Variants in HUNK observed in about 807,000 individuals in gnomAD.
HUNK encodes hormonally up-regulated neu tumor-associated kinase.
Under a neutral mutation model 61.0 loss-of-function variants are expected in HUNK, and 21 were observed. The observed-to-expected ratio is 0.34, with a 90% CI of 0.24 to 0.50. The LOEUF (loss-of-function observed/expected upper bound fraction) is 0.50. Ranked by LOEUF, HUNK falls within the 20% of genes least tolerant of loss-of-function variation. HUNK has a pLI of 0.98. For missense variants in HUNK, 772 were observed against 945.7 expected (o/e 0.82, Z 2.41); for synonymous variants, 371 against 386.1 (o/e 0.96, Z 0.46).
chr21:31,997,158 G>A (rs1471530509), intron 10 of HUNK, among the ~76,000 whole-genome samples: 1 of 152,252 alleles, frequency 6.6e-6, no homozygotes, highest in Non-Finnish European at 1.5e-5. Flanking sequence ...CGTTATGGGA[G>A]AAGAAAGAAG....
chr21:31,967,060 C>A (rs548264158), intron 5 of HUNK, among the ~76,000 whole-genome samples: 195 of 152,160 alleles, frequency 1.3e-3, no homozygotes, highest in Non-Finnish European at 2.2e-3. Context: ...TTAGAAGGGC[C>A]TTCATGGGTT....
At chr21:31,925,944 C>T (rs916521431) in intron 2 of HUNK, among the ~76,000 whole-genome samples, 5 of 146,698 alleles carry the variant, frequency 3.4e-5, no homozygotes, top group Admixed American at 6.8e-5. Context: ...TTTTTTGAGA[C>T]TGAGTCTCGC....
intron 6 of HUNK, among the ~76,000 whole-genome samples, chr21:31,969,197 G>A (rs2052992580): frequency 6.6e-6 from 1 of 151,988 alleles, no homozygotes; most frequent in South Asian, 2.1e-4. Flanking sequence ...TTGTGAGTGT[G>A]TTTGCGTGTG....
At chr21:31,905,299 C>T (rs762792909) in intron 1 of HUNK, among the ~76,000 whole-genome samples, 14 of 152,130 alleles carry the variant, frequency 9.2e-5, no homozygotes, top group Non-Finnish European at 2.1e-4. Context: ...GAGAGAGGCT[C>T]CAGACGTAAC....
intron 2 of HUNK, among the ~76,000 whole-genome samples, chr21:31,939,911 A>G (rs1231122012): frequency 2.0e-5 from 3 of 151,830 alleles, no homozygotes; most frequent in Admixed American, 2.0e-4. Context: ...CTTTTTCCAG[A>G]AACTTTTCAT....
chr21:31,884,205 G>A (rs879555113), intron 1 of HUNK, among the ~76,000 whole-genome samples: 1 of 151,004 alleles, frequency 6.6e-6, no homozygotes, highest in African/African-American at 2.4e-5. Context: ...GGTATTTGGA[G>A]ATGGGGCCTT....
At position 32,003,536 on chromosome 21, in the gene HUNK, T is replaced by C. The variant is rs1389804591; in HGVS notation, c.*4352T>C. Reference sequence around the variant, plus strand: ...GTGTATTTATTTTCTTTGTGGGGTCTTCTGTGAGCTACAGGCACAGTAAGA... The same window carrying C: ...GTGTATTTATTTTCTTTGTGGGGTCCTCTGTGAGCTACAGGCACAGTAAGA... On this transcript the variant is annotated 3_prime_UTR_variant, in exon 11 of 11. Coordinates refer to ENST00000270112, the MANE Select transcript of HUNK (RefSeq NM_014586.2). 6.6e-6 allele frequency: 1 copy of C among 152,214 alleles called. No individual in the cohort carries two copies. The highest frequency in any genetic ancestry group is 1.5e-5 in the Non-Finnish European group (1 of 68,040). The allele number at this position is 152,214 out of a possible 1,614,324, so 9.4% of individuals were successfully genotyped here.
At chr21:31,974,224 T>C (rs71323310) in intron 6 of HUNK, 21,713 of 181,446 alleles carry the variant, frequency 0.12, 1,812 homozygotes, top group Non-Finnish European at 0.18. Flanking sequence ...ATGTTGATGG[T>C]ATTGCGGTTC....
chr21:31,954,230 C>A (rs1033452473), intron 4 of HUNK, among the ~76,000 whole-genome samples: 2 of 152,176 alleles, frequency 1.3e-5, no homozygotes, highest in African/African-American at 4.8e-5. Flanking sequence ...ACGACACCCC[C>A]ACCTGGGACA....
In HUNK at chr21:31,873,981, C is replaced by A; in HGVS notation, c.261+46C>A. The A allele has an allele frequency of 1.4e-6, 2 of 1,380,720 alleles. No individual in the cohort carries two copies. The highest frequency in any genetic ancestry group is 1.6e-5 in the South Asian group (1 of 61,926). The allele number at this position is 1,380,720 out of a possible 1,614,324, so 85.5% of individuals were successfully genotyped here. On this transcript the variant is annotated intron_variant, in intron 1 of 10. Coordinates refer to ENST00000270112, the MANE Select transcript of HUNK (RefSeq NM_014586.2). The surrounding 1 kb of genome is among the most constrained non-coding windows in gnomAD (Gnocchi z 6.1). Reference sequence around the variant, plus strand: ...GGGGCTGGGGCACAGGGGCGGGAGTCGGCGGCCAGGACCCCGCGGGGAGCA... The same window carrying A: ...GGGGCTGGGGCACAGGGGCGGGAGTAGGCGGCCAGGACCCCGCGGGGAGCA...
At position 31,890,085 on chromosome 21, in the gene HUNK, A is replaced by T. The variant is rs529977423; in HGVS notation, c.261+16150A>T. On this transcript the variant is annotated intron_variant, in intron 1 of 10. Coordinates refer to ENST00000270112, the MANE Select transcript of HUNK (RefSeq NM_014586.2). ...ACAGGTATATTCCAGAATAGTTGAGATTTTTAACAGATCAAAAGAAGTCTT... is the reference window on the plus strand; with the variant it reads ...ACAGGTATATTCCAGAATAGTTGAGTTTTTTAACAGATCAAAAGAAGTCTT... 1.7e-3 allele frequency among the ~76,000 whole-genome samples: 262 copies of T among 152,282 alleles called. 1 individual carries two copies. Among genetic ancestry groups the T allele is most frequent in the Non-Finnish European group, 2.2e-3 (152 of 68,036 alleles).
Position 31,982,707 on chromosome 21 carries a change from T to C in HUNK, c.1174-819T>C, listed in dbSNP as rs74528080. Among the ~76,000 whole-genome samples the C allele has an allele frequency of 8.3e-3, 1,259 of 152,376 alleles. 8 individuals carry two copies. The highest frequency in any genetic ancestry group is 0.014 in the Non-Finnish European group (951 of 68,038). On this transcript the variant is annotated intron_variant, in intron 7 of 10. Coordinates refer to ENST00000270112, the MANE Select transcript of HUNK (RefSeq NM_014586.2). ...TGTTTATCTTCTTTGAGCTATGTTA[T>C]GAATTGTTATGGCTTTCATTTGGGT...
In HUNK at chr21:32,000,194, C is replaced by T. The variant is rs772183808; in HGVS notation, c.*1010C>T. 3 of 398,880 alleles carry T rather than the reference C, an allele frequency of 7.5e-6. No individual in the cohort carries two copies. Among genetic ancestry groups the T allele is most frequent in the Non-Finnish European group, 1.3e-5 (3 of 226,078 alleles). The allele number at this position is 398,880 out of a possible 1,614,324, so 24.7% of individuals were successfully genotyped here. A position where few individuals can be genotyped will look rare whatever the true frequency, so the allele number is the denominator to read the frequency against. ...GAGCATAACTCAGATGGCGAGAAGG[C>T]AGCATTATCTCTGTGCGATGCTGAT... is the stretch of plus-strand genomic sequence containing the variant. On this transcript the variant is annotated 3_prime_UTR_variant, in exon 11 of 11. Transcript: ENST00000270112.
At chr21:31,958,105 G>A (rs549016216) in intron 4 of HUNK, among the ~76,000 whole-genome samples, 74 of 152,156 alleles carry the variant, frequency 4.9e-4, no homozygotes, top group African/African-American at 1.8e-3. Context: ...TGTCTCCCAG[G>A]TGTTTCTTAC....
chr21:31,885,517 A>AC (rs1163222645), intron 1 of HUNK, among the ~76,000 whole-genome samples: 1 of 152,092 alleles, frequency 6.6e-6, no homozygotes, highest in African/African-American at 2.4e-5. Context: ...AGCACCACAG[A>AC]CCCGGGGGCT....
chr21:31,896,674 G>C (rs1288102193), intron 1 of HUNK, among the ~76,000 whole-genome samples: 1 of 152,204 alleles, frequency 6.6e-6, no homozygotes, highest in Non-Finnish European at 1.5e-5. Context: ...GAAGGTGTTT[G>C]AGGTTGCTAT....
Position 31,983,720 on chromosome 21 carries a change from CAT to C in HUNK, c.1257+113_1257+114del, listed in dbSNP as rs1162801171. On this transcript the variant is annotated intron_variant, in intron 8 of 10. Transcript: ENST00000270112. ...TGGGACACTGAAGTAGCAAAAGACA[CAT>C]ACTTACGCTCATAACTGAGCCCTTG... 42 of 742,354 alleles carry C rather than the reference CAT, an allele frequency of 5.7e-5. No individual in the cohort carries two copies. The Admixed American group carries it at 9.9e-4, about 17-fold the overall frequency. 46.0% of individuals were successfully genotyped at this position (742,354 alleles called of 1,614,324 possible). A position where few individuals can be genotyped will look rare whatever the true frequency, so the allele number is the denominator to read the frequency against.
intron 1 of HUNK, among the ~76,000 whole-genome samples, chr21:31,916,988 T>C (rs2052587529): frequency 6.6e-6 from 1 of 152,268 alleles, no homozygotes; most frequent in African/African-American, 2.4e-5. Context: ...GTTTCCTCTC[T>C]TTCTGTCTCT....
Position 32,000,867 on chromosome 21 carries a change from C to T in HUNK, c.*1683C>T, listed in dbSNP as rs1020505513. On this transcript the variant is annotated 3_prime_UTR_variant, in exon 11 of 11. Transcript: ENST00000270112. Reference sequence around the variant, plus strand: ...GAGACCTGGAGCTGCCTGTTTCTTCCCTAGGGGATCACCACGGCTCTAGGG... The same window carrying T: ...GAGACCTGGAGCTGCCTGTTTCTTCTCTAGGGGATCACCACGGCTCTAGGG... 3.5e-5 allele frequency: 14 copies of T among 397,632 alleles called. No individual in the cohort carries two copies. The highest frequency in any genetic ancestry group is 6.2e-5 in the Non-Finnish European group (14 of 226,060). 24.6% of individuals were successfully genotyped at this position (397,632 alleles called of 1,614,324 possible).
Sources: gnomAD v4.1 joint callset for allele counts (sites outside exome capture counted in the v4.1 genomes callset) on GRCh38, gnomAD v4.1.1 for gene constraint, Gnocchi (gnomAD v3.1) non-coding constraint, MANE v1.5 for transcripts, NCBI Gene and HGNC (gene_info 2026-07-23, HGNC 2026-07-21) for gene names.